Variants in CYTH4 observed in about 807,000 individuals in gnomAD.
CYTH4 encodes the protein cytohesin-4.
A neutral mutation model predicts 57.5 loss-of-function variants in CYTH4; 22 were observed. That is an observed-to-expected ratio of 0.38 (90% CI 0.27 to 0.55). The LOEUF is 0.55. Ranked by LOEUF, CYTH4 falls within the 20% of genes least tolerant of loss-of-function variation. The pLI, the probability that CYTH4 is intolerant of heterozygous loss-of-function variation, is 0.74. For synonymous variants in CYTH4, 186 were observed against 206.5 expected (o/e 0.90, Z 0.85); for missense variants, 420 against 535.6 (o/e 0.78, Z 2.13).
At chr22:37,304,268 G>A (rs1297988048) in intron 8 of CYTH4, 5 of 456,600 alleles carry the variant, frequency 1.1e-5, no homozygotes, top group Admixed American at 9.4e-5. Context: ...GGAAAGGAGA[G>A]GTGTCCAGTG....
At chr22:37,308,609 T>C (rs1002459064) in intron 8 of CYTH4, among the ~76,000 whole-genome samples, 5 of 151,238 alleles carry the variant, frequency 3.3e-5, no homozygotes, top group Non-Finnish European at 7.4e-5. Context: ...TGTGCATGTA[T>C]GTGTGCATAA....
intron 1 of CYTH4, among the ~76,000 whole-genome samples, chr22:37,283,349 T>A (rs4821625): frequency 0.72 from 109,126 of 152,158 alleles, 40,127 homozygotes; most frequent in African/African-American, 0.89. Flanking sequence ...GAAGGCCCGG[T>A]AGAGGGGCCA....
rs1928962646 is a variant in CYTH4, at chr22:37,296,214, C to T, written c.234+149C>T. 2.1e-5 allele frequency: 18 copies of T among 838,242 alleles called. No individual in the cohort carries two copies. In the South Asian group the frequency reaches 2.9e-4, roughly 13 times the overall value. The allele number at this position is 838,242 out of a possible 1,614,324, so 51.9% of individuals were successfully genotyped here. ...GAGCTGAGCATCTTGTCCAGTGCCCCATGGCCAGCTGTGGCTGGGCGCCCT... is the reference window on the plus strand; with the variant it reads ...GAGCTGAGCATCTTGTCCAGTGCCCTATGGCCAGCTGTGGCTGGGCGCCCT... On this transcript the variant is annotated intron_variant, in intron 4 of 12. Coordinates refer to ENST00000248901, the MANE Select transcript of CYTH4 (RefSeq NM_013385.5).
chr22:37,290,477 G>T (rs1041766692), intron 1 of CYTH4, among the ~76,000 whole-genome samples: 1 of 152,070 alleles, frequency 6.6e-6, no homozygotes, highest in Non-Finnish European at 1.5e-5. Context: ...CTGAAACCAG[G>T]CAAGGGGTCT....
At chr22:37,294,102 G>A (rs1928852921) in intron 2 of CYTH4, among the ~76,000 whole-genome samples, 1 of 149,880 alleles carries the variant, frequency 6.7e-6, no homozygotes, top group Non-Finnish European at 1.5e-5. Context: ...AGCAGGGGAA[G>A]GGCAGGCTCC....
intron 8 of CYTH4, among the ~76,000 whole-genome samples, chr22:37,306,021 T>C (rs1429296152): frequency 1.3e-5 from 2 of 152,222 alleles, no homozygotes; most frequent in African/African-American, 2.4e-5. Context: ...ATCCCAGCTC[T>C]GCCCTTATGT....
Position 37,313,422 on chromosome 22 carries a change from C to T in CYTH4, c.1113-17C>T. The T allele has an allele frequency of 6.2e-7, 1 of 1,613,450 alleles. No homozygotes were observed. Among genetic ancestry groups the T allele is most frequent in the Non-Finnish European group, 8.5e-7 (1 of 1,179,370 alleles). ...CGGCCAGTCCAGCCCTGAAATCTCT[C>T]CTCCCACTCATTCTAGAGCCAGCAT... On this transcript the variant is annotated splice_polypyrimidine_tract_variant and intron_variant, in intron 12 of 12. Transcript: ENST00000248901.
rs368461270 is a variant in CYTH4 at position 37,295,536 on chromosome 22, G to T, written c.168-463G>T. On this transcript the variant is annotated intron_variant, in intron 3 of 12. Coordinates refer to ENST00000248901, the MANE Select transcript of CYTH4 (RefSeq NM_013385.5). This position sits in a 1 kb window ranked among gnomAD's most constrained non-coding sequence, Gnocchi z 4.1. Reference sequence around the variant, plus strand: ...ACACACCTACGCCTCACTGTTTTAGGTGCTTTAACCTCTCAACAATGCTGG... The same window carrying T: ...ACACACCTACGCCTCACTGTTTTAGTTGCTTTAACCTCTCAACAATGCTGG... 2.4e-3 allele frequency among the ~76,000 whole-genome samples: 360 copies of T among 152,248 alleles called. No individual in the cohort carries two copies. The highest frequency in any genetic ancestry group is 3.3e-3 in the Non-Finnish European group (226 of 68,028).
In CYTH4 at chr22:37,297,102, G is replaced by A. The variant is rs189376408; in HGVS notation, c.235-462G>A. 1.9e-3 allele frequency among the ~76,000 whole-genome samples: 286 copies of A among 152,262 alleles called. 4 individuals carry two copies. Among genetic ancestry groups the A allele is most frequent in the Admixed American group, 0.017 (259 of 15,290 alleles). ...TGTCTGCCTCCGAGCGGTAGGGCCCGGGCAATTTCCTCCCCTTTGGATTGA... is the reference window on the plus strand; with the variant it reads ...TGTCTGCCTCCGAGCGGTAGGGCCCAGGCAATTTCCTCCCCTTTGGATTGA... On this transcript the variant is annotated intron_variant, in intron 4 of 12. Coordinates refer to ENST00000248901, the MANE Select transcript of CYTH4 (RefSeq NM_013385.5).
chr22:37,287,501 T>TC (rs1268024855), intron 1 of CYTH4, among the ~76,000 whole-genome samples: 1 of 152,288 alleles, frequency 6.6e-6, no homozygotes, highest in East Asian at 1.9e-4. Context: ...ATTGTTCACC[T>TC]CCAAGGCAAC....
chr22:37,307,325 C>T (rs973278478), intron 8 of CYTH4, among the ~76,000 whole-genome samples: 1 of 152,204 alleles, frequency 6.6e-6, no homozygotes, highest in Non-Finnish European at 1.5e-5. Flanking sequence ...TGAAGACCCC[C>T]GTCTGCCCCC....
At chr22:37,282,672 GATAAAGGAATAC>G in intron 1 of CYTH4, 84 bp downstream of exon 1, 3 of 1,237,726 alleles carry the variant, frequency 2.4e-6, no homozygotes, top group Non-Finnish European at 3.4e-6. Flanking sequence ...CAGGGTCCTA[GATAAAGGAATAC>G]AGCGCAGGTG....
chr22:37,293,238 C>T (rs977464838), intron 2 of CYTH4, among the ~76,000 whole-genome samples: 1 of 152,228 alleles, frequency 6.6e-6, no homozygotes, highest in African/African-American at 2.4e-5. Flanking sequence ...TGCCCACCCC[C>T]ACTCCCATGC....
At chr22:37,310,051 T>G (rs766345721) in intron 9 of CYTH4, 3 of 466,234 alleles carry the variant, frequency 6.4e-6, no homozygotes, top group South Asian at 3.1e-5. Flanking sequence ...AGATGCCTCA[T>G]GTTGAAGCAG....
chr22:37,299,666 T>C lies in CYTH4; in HGVS notation c.434+360T>C, dbSNP rs191123917. 3.5e-3 allele frequency among the ~76,000 whole-genome samples: 527 copies of C among 152,354 alleles called. 6 individuals are homozygous for C. The highest frequency in any genetic ancestry group is 0.012 in the African/African-American group (510 of 41,576). On this transcript the variant is annotated intron_variant, in intron 6 of 12. Coordinates refer to ENST00000248901, the MANE Select transcript of CYTH4 (RefSeq NM_013385.5). ...AGCATGTATTCCAATTATTATGACTTATTAGCTTCTAATTAGGGTACTGTT... is the reference window on the plus strand; with the variant it reads ...AGCATGTATTCCAATTATTATGACTCATTAGCTTCTAATTAGGGTACTGTT...
chr22:37,289,182 C>T (rs189186850), intron 1 of CYTH4, among the ~76,000 whole-genome samples: 10 of 152,312 alleles, frequency 6.6e-5, no homozygotes, highest in African/African-American at 2.2e-4. Flanking sequence ...TCCGCTCCCA[C>T]GGGGTCATCC....
At chr22:37,300,512 G>T (rs910109629) in intron 6 of CYTH4, among the ~76,000 whole-genome samples, 1 of 152,112 alleles carries the variant, frequency 6.6e-6, no homozygotes, top group Non-Finnish European at 1.5e-5. Context: ...CCCTAGCAAG[G>T]CAAAACCCCT....
In CYTH4 at chr22:37,295,395, TGCACACACACACAA is replaced by T. The variant is rs1231021520; in HGVS notation, c.168-600_168-587del. On this transcript the variant is annotated intron_variant, in intron 3 of 12. Transcript: ENST00000248901. This position sits in a 1 kb window ranked among gnomAD's most constrained non-coding sequence, Gnocchi z 4.1. ...ACACACATGCACACACACACACGCA[TGCACACACACACAA>T]GCATGCACACACACACAAGCATGCA... Among the ~76,000 whole-genome samples, 359 of 140,270 alleles carry T rather than the reference TGCACACACACACAA, an allele frequency of 2.6e-3. 2 individuals carry two copies. The highest frequency in any genetic ancestry group is 0.011 in the African/African-American group (350 of 31,608). The allele number at this position is 140,270 out of a possible 152,430, so 92.0% of individuals were successfully genotyped here. A position where few individuals can be genotyped will look rare whatever the true frequency, so the allele number is the denominator to read the frequency against.
At position 37,295,396 on chromosome 22, in the gene CYTH4, G is replaced by GCA. The variant is rs144837022; in HGVS notation, c.168-592_168-591dup. Reference sequence around the variant, plus strand: ...CACACATGCACACACACACACGCATGCACACACACACAAGCATGCACACAC... The same window carrying GCA: ...CACACATGCACACACACACACGCATGCACACACACACACAAGCATGCACACAC... On this transcript the variant is annotated intron_variant, in intron 3 of 12. Transcript: ENST00000248901. This position sits in a 1 kb window ranked among gnomAD's most constrained non-coding sequence, Gnocchi z 4.1. Among the ~76,000 whole-genome samples, 2 of 140,302 alleles carry GCA rather than the reference G, an allele frequency of 1.4e-5. No homozygotes were observed. Among genetic ancestry groups the GCA allele is most frequent in the African/African-American group, 6.3e-5 (2 of 31,786 alleles). The allele number at this position is 140,302 out of a possible 152,430, so 92.0% of individuals were successfully genotyped here.
Sources: gnomAD v4.1 joint callset for allele counts (sites outside exome capture counted in the v4.1 genomes callset) on GRCh38, gnomAD v4.1.1 for gene constraint, Gnocchi (gnomAD v3.1) non-coding constraint, MANE v1.5 for transcripts, NCBI Gene and HGNC (gene_info 2026-07-23, HGNC 2026-07-21) for gene names.